Variants in RNF214 observed in about 807,000 individuals in gnomAD.
RNF214 encodes the protein ring finger protein 214.
Under a neutral mutation model 75.9 loss-of-function variants are expected in RNF214, and 25 were observed. The observed-to-expected ratio is 0.33, with a 90% CI of 0.24 to 0.46. The LOEUF is 0.46. Among genes scored for constraint, RNF214 ranks in the 20% least tolerant of loss-of-function variants. The pLI is 1.00. For missense variants in RNF214, 725 were observed against 857.5 expected (o/e 0.85, Z 1.93); for synonymous variants, 314 against 308.8 (o/e 1.02, Z -0.18).
chr11:117,285,285 T>G lies in RNF214; in HGVS notation c.*134T>G. 4.9e-6 allele frequency: 3 copies of G among 609,998 alleles called. No individual in the cohort carries two copies. The highest frequency in any genetic ancestry group is 8.8e-6 in the Non-Finnish European group (3 of 342,134). The allele number at this position is 609,998 out of a possible 1,614,324, so 37.8% of individuals were successfully genotyped here. ...ACATTTTTATTATATAGGTAATGTG[T>G]GTATAGAAAGTCTGTATTCCAATGT... On this transcript the variant is annotated 3_prime_UTR_variant, in exon 15 of 15. Transcript: ENST00000300650.
intron 5 of RNF214, 75 bp downstream of exon 5, chr11:117,244,660 T>TTATG: frequency 1.1e-6 from 1 of 948,130 alleles, no homozygotes; most frequent in Non-Finnish European, 1.5e-6. Context: ...TTAAAAAACT[T>TTATG]TATTTATTTA....
At chr11:117,253,223 G>A (rs1428692172) in intron 6 of RNF214, among the ~76,000 whole-genome samples, 1 of 152,162 alleles carries the variant, frequency 6.6e-6, no homozygotes, top group African/African-American at 2.4e-5. Flanking sequence ...TGTTGGCCAG[G>A]CTGATCTCAA....
intron 6 of RNF214, among the ~76,000 whole-genome samples, chr11:117,249,990 A>G (rs1013879856): frequency 6.6e-6 from 1 of 152,202 alleles, no homozygotes; most frequent in African/African-American, 2.4e-5. Context: ...TTCAGCCAGC[A>G]TTTATTGAGT....
chr11:117,274,065 C>A (rs529850687), intron 6 of RNF214, among the ~76,000 whole-genome samples: 83 of 152,258 alleles, frequency 5.5e-4, no homozygotes, highest in Non-Finnish European at 1.1e-3. Context: ...AGTCAGAGAG[C>A]AAGCTGACCT....
intron 6 of RNF214, among the ~76,000 whole-genome samples, chr11:117,268,597 CTG>C (rs1245087683): frequency 1.3e-5 from 2 of 152,100 alleles, no homozygotes; most frequent in South Asian, 4.1e-4. Context: ...TTCCTTGTAA[CTG>C]TGTAGTAAAT....
intron 12 of RNF214, 62 bp downstream of exon 12, chr11:117,282,598 C>G: frequency 1.3e-6 from 2 of 1,589,528 alleles, no homozygotes; most frequent in South Asian, 2.3e-5. Context: ...AGGTAGATTT[C>G]AGAAAAATGT....
intron 6 of RNF214, among the ~76,000 whole-genome samples, chr11:117,253,836 AAT>A (rs1440192334): frequency 6.6e-6 from 1 of 152,196 alleles, no homozygotes; most frequent in Non-Finnish European, 1.5e-5. Flanking sequence ...TAAAAACTGC[AAT>A]ATCAAGCAAT....
chr11:117,262,151 G>A (rs2033680380), intron 6 of RNF214, among the ~76,000 whole-genome samples: 1 of 150,528 alleles, frequency 6.6e-6, no homozygotes, highest in African/African-American at 2.4e-5. Flanking sequence ...CTCACTGCAA[G>A]CTCTGCCTCC....
intron 6 of RNF214, among the ~76,000 whole-genome samples, chr11:117,271,469 G>T (rs904863704): frequency 6.6e-6 from 1 of 152,222 alleles, no homozygotes; most frequent in Non-Finnish European, 1.5e-5. Flanking sequence ...AATGATCATA[G>T]TCCTGTGCTG....
intron 6 of RNF214, among the ~76,000 whole-genome samples, chr11:117,252,012 G>A (rs933047035): frequency 3.9e-5 from 6 of 152,122 alleles, no homozygotes; most frequent in African/African-American, 1.2e-4. Flanking sequence ...GGAACTACAG[G>A]CCTGTGCCAC....
chr11:117,233,126 A>G (rs2032769902), intron 1 of RNF214, among the ~76,000 whole-genome samples: 1 of 151,846 alleles, frequency 6.6e-6, no homozygotes, highest in African/African-American at 2.4e-5. Flanking sequence ...TCTTTTTGGT[A>G]CACTCGACCC....
intron 13 of RNF214, 93 bp downstream of exon 13, chr11:117,282,943 G>A (rs927893287): frequency 1.8e-6 from 2 of 1,095,596 alleles, no homozygotes; most frequent in African/African-American, 3.1e-5. Flanking sequence ...GAAACCATCA[G>A]TTGGGTTATT....
intron 6 of RNF214, among the ~76,000 whole-genome samples, chr11:117,254,252 GA>G (rs577904003): frequency 1.5e-4 from 21 of 143,612 alleles, no homozygotes; most frequent in East Asian, 2.0e-4. Flanking sequence ...CCATCTCAAA[GA>G]AAAAAAAAAA....
At chr11:117,270,705 C>T (rs1484857994) in intron 6 of RNF214, among the ~76,000 whole-genome samples, 2 of 152,162 alleles carry the variant, frequency 1.3e-5, no homozygotes, top group Non-Finnish European at 2.9e-5. Context: ...GCCTTGGCCT[C>T]CCAAAGTGCT....
At chr11:117,247,868 AAAAC>A (rs2033269255) in intron 6 of RNF214, among the ~76,000 whole-genome samples, 1 of 150,582 alleles carries the variant, frequency 6.6e-6, no homozygotes, top group Admixed American at 6.6e-5. Flanking sequence ...AAAAAAAAAA[AAAAC>A]AAAACAAAAA....
At chr11:117,269,998 C>T (rs1008378535) in intron 6 of RNF214, among the ~76,000 whole-genome samples, 1 of 152,096 alleles carries the variant, frequency 6.6e-6, no homozygotes, top group African/African-American at 2.4e-5. Flanking sequence ...CTTCCAGTCT[C>T]TTCTCTTCTC....
At chr11:117,237,166 A>G (rs938380963) in intron 2 of RNF214, among the ~76,000 whole-genome samples, 4 of 152,156 alleles carry the variant, frequency 2.6e-5, no homozygotes, top group African/African-American at 9.7e-5. Context: ...TGCAGCCTCC[A>G]CCTCCTGGGC....
In RNF214 at chr11:117,282,730, A is replaced by G. The variant is rs779772011; in HGVS notation, c.1846-16A>G. The G allele has an allele frequency of 2.5e-6, 4 of 1,607,914 alleles. No individual in the cohort carries two copies. The highest frequency in any genetic ancestry group is 3.4e-6 in the Non-Finnish European group (4 of 1,174,462). On this transcript the variant is annotated splice_polypyrimidine_tract_variant and intron_variant, in intron 12 of 14. Transcript: ENST00000300650. ...CAGACTCTCTTCCCTTACTCTGACAATGTTTCTACCTACAGCCACTTGGTC... is the reference window on the plus strand; with the variant it reads ...CAGACTCTCTTCCCTTACTCTGACAGTGTTTCTACCTACAGCCACTTGGTC...
chr11:117,234,975 TAAAA>T (rs1382818981), intron 2 of RNF214, among the ~76,000 whole-genome samples: 4 of 152,224 alleles, frequency 2.6e-5, no homozygotes, highest in South Asian at 2.1e-4. Flanking sequence ...ATTAAAAAGA[TAAAA>T]AATAAATAAA....
Sources: allele counts gnomAD v4.1 joint callset (sites outside exome capture counted in the v4.1 genomes callset), GRCh38; gene constraint gnomAD v4.1.1; transcripts MANE v1.5; gene names NCBI Gene and HGNC (gene_info 2026-07-23, HGNC 2026-07-21).